The following CCDC141 variants were observed in gnomAD, a reference collection of about 807,000 sequenced individuals.
The protein encoded by CCDC141 is coiled-coil domain-containing protein 141.
In CCDC141, 168 loss-of-function variants were observed where a neutral mutation model predicts 181.0. The observed-to-expected ratio is 0.93, with a 90% CI of 0.82 to 1.05. The LOEUF is 1.05. Among genes scored for constraint, CCDC141 ranks in the 50% least tolerant of loss-of-function variants. CCDC141 has a pLI of 0.00. For synonymous variants in CCDC141, 666 were observed against 642.3 expected, an observed-to-expected ratio of 1.04 and a Z score of -0.56; for missense variants, 1,902 against 1,788.5, an observed-to-expected ratio of 1.06 and a Z score of -1.14.
chr2:178,868,283 C>G lies in CCDC141; in HGVS notation c.2395-78G>C, dbSNP rs1685943815. 1.4e-5 allele frequency: 18 copies of G among 1,271,106 alleles called. No individual in the cohort carries two copies. In the South Asian group the frequency reaches 1.7e-4, roughly 12 times the overall value. The allele number at this position is 1,271,106 out of a possible 1,614,324, so 78.7% of individuals were successfully genotyped here. On this transcript the variant is annotated intron_variant, in intron 15 of 23. Transcript: ENST00000443758. ...TTTTTTAAGCCTAATTTCTATAGCA[C>G]ATTTTGCTAGCTGGTCGAAATGCTG...
chr2:178,841,278 T>C (rs1684706641), intron 22 of CCDC141, among the ~76,000 whole-genome samples: 1 of 152,222 alleles, frequency 6.6e-6, no homozygotes, highest in Non-Finnish European at 1.5e-5. Context: ...CAAACCCTCA[T>C]TCAGTACACA....
intron 14 of CCDC141, among the ~76,000 whole-genome samples, chr2:178,869,703 A>T (rs1380026518): frequency 1.3e-5 from 2 of 152,232 alleles, no homozygotes; most frequent in African/African-American, 4.8e-5. Context: ...CACCATGAGA[A>T]GATGGGTGTA....
the CCDC141 span, among the ~76,000 whole-genome samples, chr2:178,819,124 A>C: frequency 6.6e-6 from 1 of 152,222 alleles, no homozygotes; most frequent in East Asian, 1.9e-4. Context: ...ATTTAAACAG[A>C]AGTAATAAAG....
At chr2:178,853,860 G>C (rs1685270635) in intron 19 of CCDC141, among the ~76,000 whole-genome samples, 1 of 152,140 alleles carries the variant, frequency 6.6e-6, no homozygotes, top group Admixed American at 6.5e-5. Context: ...CTATAAGAAA[G>C]TAAAAATATG....
intron 11 of CCDC141, among the ~76,000 whole-genome samples, chr2:178,882,619 G>C (rs1686677994): frequency 6.6e-6 from 1 of 152,014 alleles, no homozygotes. Flanking sequence ...AAGAACATTG[G>C]ATGAGATTTA....
At chr2:178,969,104 CAAAAAAAAAAAA>C (rs55999054) in intron 4 of CCDC141, among the ~76,000 whole-genome samples, 7 of 51,172 alleles carry the variant, frequency 1.4e-4, no homozygotes, top group Non-Finnish European at 2.1e-4. Context: ...GCTTACCAAC[CAAAAAAAAAAAA>C]AAAAAAAAAA....
Position 179,022,354 on chromosome 2 carries a change from C to CT in CCDC141, c.225+24929dup, listed in dbSNP as rs1355878049. Among the ~76,000 whole-genome samples, 4 of 152,176 alleles carry CT rather than the reference C, an allele frequency of 2.6e-5. No homozygotes were observed. In the South Asian group the frequency reaches 8.4e-4, roughly 32 times the overall value. On this transcript the variant is annotated intron_variant, in intron 2 of 23. Transcript: ENST00000443758. Reference sequence around the variant, plus strand: ...CACATTCCCTAAGACTTGATGAAAGCTAGAACAATAGGAAGTTTTTGTACC... The same window carrying CT: ...CACATTCCCTAAGACTTGATGAAAGCTTAGAACAATAGGAAGTTTTTGTACC...
At chr2:178,836,503 A>T (rs1684481388) in intron 23 of CCDC141, 1 of 161,784 alleles carries the variant, frequency 6.2e-6, no homozygotes, top group East Asian at 1.8e-4. Flanking sequence ...AATAAAAACA[A>T]ATTCTTATAT....
At position 178,832,488 on chromosome 2, in the gene CCDC141, A is replaced by AC. The variant is rs1684294847; in HGVS notation, c.*1684_*1685insG. 1 of 151,078 alleles carries AC rather than the reference A, an allele frequency of 6.6e-6. No homozygotes were observed. Among genetic ancestry groups the AC allele is most frequent in the African/African-American group, 2.4e-5 (1 of 41,252 alleles). The allele number at this position is 151,078 out of a possible 1,614,324, so 9.4% of individuals were successfully genotyped here. The stretch of plus-strand genomic sequence containing the variant: ...CTCAAAAAAAAAAAAAAAAAACAAA[A>AC]AAAACAAAAAAAAGATAGTTAAGAG... On this transcript the variant is annotated 3_prime_UTR_variant, in exon 24 of 24. Transcript: ENST00000443758.
intron 22 of CCDC141, among the ~76,000 whole-genome samples, chr2:178,844,272 T>G (rs1258633077): frequency 6.6e-6 from 1 of 152,150 alleles, no homozygotes; most frequent in Admixed American, 6.6e-5. Context: ...GTGGTGCATT[T>G]AAGGCTATTC....
chr2:178,961,528 C>A (rs1173312383), intron 4 of CCDC141, 45 bp from the exon 5 acceptor site: 16 of 1,404,076 alleles, frequency 1.1e-5, no homozygotes, highest in Non-Finnish European at 1.6e-5. Context: ...TATTAGCAAG[C>A]TTTTATACAG....
chr2:178,953,911 C>A (rs1690056420), intron 5 of CCDC141, among the ~76,000 whole-genome samples: 1 of 152,210 alleles, frequency 6.6e-6, no homozygotes, highest in Non-Finnish European at 1.5e-5. Flanking sequence ...AGGCTATGCT[C>A]ATATATGTCA....
At chr2:178,961,545 T>A (rs1690402738) in intron 4 of CCDC141, 62 bp from the exon 5 acceptor site, 1 of 1,196,826 alleles carries the variant, frequency 8.4e-7, no homozygotes, top group Non-Finnish European at 1.2e-6. Context: ...ACAGCAATAT[T>A]CAGACTCTTC....
intron 23 of CCDC141, 62 bp from the exon 24 acceptor site, chr2:178,834,502 C>G (rs1342705713): frequency 6.7e-7 from 1 of 1,501,222 alleles, no homozygotes; most frequent in African/African-American, 1.4e-5. Context: ...TTTCCAAGTT[C>G]TAATAATGCT....
intron 2 of CCDC141, among the ~76,000 whole-genome samples, chr2:178,986,629 C>T (rs1383831763): frequency 1.5e-4 from 22 of 151,592 alleles, no homozygotes; most frequent in African/African-American, 2.4e-4. Flanking sequence ...TCTCAGGATA[C>T]AAAATCAATG....
At chr2:178,972,014 A>G (rs1225234068) in intron 4 of CCDC141, among the ~76,000 whole-genome samples, 1 of 152,118 alleles carries the variant, frequency 6.6e-6, no homozygotes, top group Non-Finnish European at 1.5e-5. Context: ...CATGGCACAT[A>G]TATACCTATG....
chr2:179,007,939 A>C (rs1180233662), intron 2 of CCDC141, among the ~76,000 whole-genome samples: 1 of 152,214 alleles, frequency 6.6e-6, no homozygotes, highest in African/African-American at 2.4e-5. Flanking sequence ...TAATTGATTC[A>C]GAAGTAGTAC....
chr2:178,993,793 G>C (rs1409594738), intron 2 of CCDC141, among the ~76,000 whole-genome samples: 1 of 152,074 alleles, frequency 6.6e-6, no homozygotes, highest in Admixed American at 6.5e-5. Context: ...TGGGAGTACA[G>C]GCATTGGGTT....
intron 22 of CCDC141, among the ~76,000 whole-genome samples, chr2:178,838,941 T>G (rs1429057384): frequency 6.6e-6 from 1 of 152,228 alleles, no homozygotes; most frequent in Non-Finnish European, 1.5e-5. Context: ...CCCCACCTGC[T>G]GGTTTTATAT....
Sources: allele counts gnomAD v4.1 joint callset (sites outside exome capture counted in the v4.1 genomes callset), GRCh38; gene constraint gnomAD v4.1.1; transcripts MANE v1.5; gene names NCBI Gene and HGNC (gene_info 2026-07-23, HGNC 2026-07-21).